NRG3: variants seen among roughly 807,000 people sequenced by gnomAD.
NRG3 encodes the protein neuregulin 3.
A neutral mutation model predicts 66.9 loss-of-function variants in NRG3; 31 were observed. The ratio of observed to expected loss-of-function variants is 0.46; its 90% CI spans 0.35 to 0.63. The LOEUF (loss-of-function observed/expected upper bound fraction) is 0.63. NRG3 is among the 20% of genes least tolerant of loss of function. NRG3 has a pLI of 0.00. For missense variants in NRG3, 910 were observed against 878.9 expected (o/e 1.04, Z -0.45); for synonymous variants, 393 against 359.4 (o/e 1.09, Z -1.06).
At chr10:82,142,930 T>G (rs2069924029) in intron 1 of NRG3, among the ~76,000 whole-genome samples, 1 of 150,440 alleles carries the variant, frequency 6.6e-6, no homozygotes, top group African/African-American at 2.4e-5. Flanking sequence ...AAGTTTTTTT[T>G]TTTTTTTTTT....
chr10:82,956,767 C>T (rs7069185), intron 5 of NRG3, among the ~76,000 whole-genome samples: 15,957 of 151,624 alleles, frequency 0.11, 1,353 homozygotes, highest in African/African-American at 0.2. Context: ...TTTGTGTGTG[C>T]GAATGAACCC....
At chr10:82,813,707 C>T (rs2061590273) in intron 3 of NRG3, among the ~76,000 whole-genome samples, 1 of 152,186 alleles carries the variant, frequency 6.6e-6, no homozygotes, top group Non-Finnish European at 1.5e-5. Context: ...AACACAGTCT[C>T]ATTTATATTC....
At chr10:82,034,581 G>A (rs534392350) in intron 1 of NRG3, among the ~76,000 whole-genome samples, 3 of 151,974 alleles carry the variant, frequency 2.0e-5, no homozygotes, top group Admixed American at 2.0e-4. Flanking sequence ...CTGAGGTGAG[G>A]GTAAGGCAGA....
intron 2 of NRG3, among the ~76,000 whole-genome samples, chr10:82,730,782 A>G (rs1221997390): frequency 7.9e-5 from 12 of 152,160 alleles, no homozygotes; most frequent in African/African-American, 2.7e-4. Context: ...TCAAACTTAG[A>G]TCTCAGTTTC....
chr10:81,914,440 AG>A (rs1845468399), intron 1 of NRG3, among the ~76,000 whole-genome samples: 1 of 152,014 alleles, frequency 6.6e-6, no homozygotes, highest in South Asian at 2.1e-4. Flanking sequence ...TGCTCTTAGG[AG>A]ACTTGAATTG....
intron 1 of NRG3, among the ~76,000 whole-genome samples, chr10:82,216,954 T>G (rs1392178351): frequency 6.6e-6 from 1 of 152,228 alleles, no homozygotes; most frequent in Non-Finnish European, 1.5e-5. Flanking sequence ...GAAGTTCTCA[T>G]TTTGTTTCTG....
intron 1 of NRG3, among the ~76,000 whole-genome samples, chr10:82,323,709 G>A (rs1393480805): frequency 6.6e-6 from 1 of 151,906 alleles, no homozygotes; most frequent in African/African-American, 2.4e-5. Flanking sequence ...TTATGGTAGA[G>A]TTGCCGAGTA....
At chr10:82,478,231 C>CTTTTTTTTTTTTTTTTTTT (rs1210990084) in intron 2 of NRG3, among the ~76,000 whole-genome samples, 1 of 18,148 alleles carries the variant, frequency 5.5e-5, no homozygotes, top group Non-Finnish European at 1.3e-4. Context: ...TTGTGTCACT[C>CTTTTTTTTTTTTTTTTTTT]TTTTTTTTTT....
chr10:82,300,546 G>A (rs973194882), intron 1 of NRG3, among the ~76,000 whole-genome samples: 22 of 152,132 alleles, frequency 1.4e-4, no homozygotes, highest in African/African-American at 4.6e-4. Context: ...GAATTGGTTC[G>A]AGGCATAGCT....
At chr10:82,746,545 T>A (rs562443810) in intron 3 of NRG3, among the ~76,000 whole-genome samples, 3 of 152,276 alleles carry the variant, frequency 2.0e-5, no homozygotes, top group Non-Finnish European at 2.9e-5. Context: ...ACTGTCAGGA[T>A]CAAAGATGAC....
chr10:82,948,107 G>A (rs1849186638), intron 4 of NRG3, among the ~76,000 whole-genome samples: 1 of 151,874 alleles, frequency 6.6e-6, no homozygotes, highest in South Asian at 2.1e-4. Context: ...ATGAGATTAG[G>A]ATCCAGGTTC....
chr10:82,513,223 T>C (rs1845356582), intron 2 of NRG3, among the ~76,000 whole-genome samples: 1 of 152,232 alleles, frequency 6.6e-6, no homozygotes, highest in South Asian at 2.1e-4. Context: ...TTTCTGTTTC[T>C]GCATTAGTTT....
At chr10:82,551,639 A>G (rs767308067) in intron 2 of NRG3, among the ~76,000 whole-genome samples, 1 of 151,514 alleles carries the variant, frequency 6.6e-6, no homozygotes, top group Admixed American at 6.6e-5. Flanking sequence ...ATGAGGCCAC[A>G]CAAAACAACT....
chr10:82,415,771 C>A (rs1175878916), intron 2 of NRG3, among the ~76,000 whole-genome samples: 1 of 152,042 alleles, frequency 6.6e-6, no homozygotes, highest in African/African-American at 2.4e-5. Flanking sequence ...GTGAAAGAAC[C>A]ATTAATTATG....
chr10:82,761,726 A>G (rs181286337), intron 3 of NRG3, among the ~76,000 whole-genome samples: 32 of 151,970 alleles, frequency 2.1e-4, no homozygotes, highest in Admixed American at 1.7e-3. Context: ...AATTCCAGTA[A>G]TGGAATGAAA....
At chr10:82,582,569 G>T (rs993879472) in intron 2 of NRG3, among the ~76,000 whole-genome samples, 1 of 152,048 alleles carries the variant, frequency 6.6e-6, no homozygotes, top group Non-Finnish European at 1.5e-5. Context: ...TTTCATCAGA[G>T]ATAGTGCTGT....
At chr10:82,702,095 G>T (rs1209402022) in intron 2 of NRG3, among the ~76,000 whole-genome samples, 2 of 152,140 alleles carry the variant, frequency 1.3e-5, no homozygotes, top group African/African-American at 4.8e-5. Flanking sequence ...ACAACCCACA[G>T]CACAGAAAAC....
chr10:82,387,968 G>A (rs142978847), intron 2 of NRG3, among the ~76,000 whole-genome samples: 11 of 152,222 alleles, frequency 7.2e-5, no homozygotes, highest in African/African-American at 2.6e-4. Context: ...TGAGCAGGTG[G>A]GAGCATACAT....
intron 2 of NRG3, among the ~76,000 whole-genome samples, chr10:82,461,796 G>GT (rs2091528637): frequency 6.6e-6 from 1 of 152,170 alleles, no homozygotes; most frequent in Admixed American, 6.5e-5. Flanking sequence ...GTATTCAAAT[G>GT]TAAGAGACTG....
Sources: allele counts gnomAD v4.1 joint callset (sites outside exome capture counted in the v4.1 genomes callset), GRCh38; gene constraint gnomAD v4.1.1; transcripts MANE v1.5; gene names NCBI Gene and HGNC (gene_info 2026-07-23, HGNC 2026-07-21).